Variants in HS6ST3 observed in about 807,000 individuals in gnomAD.
HS6ST3 encodes the protein heparan sulfate 6-O-sulfotransferase 3.
A neutral mutation model predicts 36.7 loss-of-function variants in HS6ST3; 12 were observed. The observed-to-expected ratio is 0.33, with a 90% CI of 0.21 to 0.53. HS6ST3 has a LOEUF of 0.53. Among genes scored for constraint, HS6ST3 ranks in the 20% least tolerant of loss-of-function variants. The pLI is 0.95. For synonymous variants in HS6ST3, 240 were observed against 257.5 expected, an observed-to-expected ratio of 0.93 and a Z score of 0.65; for missense variants, 584 against 640.9, an observed-to-expected ratio of 0.91 and a Z score of 0.96.
At chr13:96,419,902 T>C (rs911071855) in intron 1 of HS6ST3, among the ~76,000 whole-genome samples, 2 of 152,180 alleles carry the variant, frequency 1.3e-5, no homozygotes, top group African/African-American at 4.8e-5. Context: ...TTAAATTGAT[T>C]GCACCTGCAA....
rs193144915 is a variant in HS6ST3 at position 96,538,325 on chromosome 13, C to T, written c.708-294165C>T. On this transcript the variant is annotated intron_variant, in intron 1 of 1. Transcript: ENST00000376705. ...ATGATAGTCAATACCTTTCTCTTGC[C>T]TTATATATTAATTATAGAGATCTAA... Among the ~76,000 whole-genome samples, 569 of 152,182 alleles carry T rather than the reference C, an allele frequency of 3.7e-3. 2 individuals carry two copies. The highest frequency in any genetic ancestry group is 0.013 in the African/African-American group (535 of 41,512).
At chr13:96,586,092 G>T (rs1019331168) in intron 1 of HS6ST3, among the ~76,000 whole-genome samples, 1 of 151,550 alleles carries the variant, frequency 6.6e-6, no homozygotes, top group African/African-American at 2.4e-5. Flanking sequence ...AGTTTCTTTT[G>T]TCTTTTTGAT....
chr13:96,483,226 G>C (rs1257324859), intron 1 of HS6ST3, among the ~76,000 whole-genome samples: 2 of 152,194 alleles, frequency 1.3e-5, no homozygotes, highest in African/African-American at 2.4e-5. Flanking sequence ...CAGGGAAGTG[G>C]TACTAGAGAT....
chr13:96,696,110 A>G (rs560399759), intron 1 of HS6ST3, among the ~76,000 whole-genome samples: 2 of 152,282 alleles, frequency 1.3e-5, no homozygotes, highest in Non-Finnish European at 2.9e-5. Flanking sequence ...TAAGAAATGT[A>G]TTTTAAGGAA....
chr13:96,749,529 C>T (rs555728052), intron 1 of HS6ST3, among the ~76,000 whole-genome samples: 1 of 152,102 alleles, frequency 6.6e-6, no homozygotes, highest in Non-Finnish European at 1.5e-5. Context: ...TCACCTAGCC[C>T]AACTTTGGAG....
At chr13:96,503,960 C>T (rs1255360867) in intron 1 of HS6ST3, among the ~76,000 whole-genome samples, 2 of 152,100 alleles carry the variant, frequency 1.3e-5, no homozygotes, top group Admixed American at 1.3e-4. Flanking sequence ...GTTGTAGCCT[C>T]ACAAGGTGAA....
intron 1 of HS6ST3, among the ~76,000 whole-genome samples, chr13:96,144,678 A>G (rs988385402): frequency 7.3e-4 from 111 of 151,780 alleles, no homozygotes; most frequent in Non-Finnish European, 1.4e-3. Flanking sequence ...TTTAGGGTAC[A>G]TGTGCACAAC....
chr13:96,177,916 G>A (rs1380550152), intron 1 of HS6ST3, among the ~76,000 whole-genome samples: 1 of 152,086 alleles, frequency 6.6e-6, no homozygotes, highest in Non-Finnish European at 1.5e-5. Context: ...AAACAATTGT[G>A]GTTTTAAAAT....
At chr13:96,752,324 C>T (rs561325374) in intron 1 of HS6ST3, among the ~76,000 whole-genome samples, 109 of 152,082 alleles carry the variant, frequency 7.2e-4, no homozygotes, top group Non-Finnish European at 1.4e-3. Context: ...CATGCATCAC[C>T]GTGTAATGGG....
chr13:96,386,122 A>G (rs1323623870), intron 1 of HS6ST3, among the ~76,000 whole-genome samples: 1 of 152,276 alleles, frequency 6.6e-6, no homozygotes, highest in Admixed American at 6.5e-5. Flanking sequence ...TCCATAAGAG[A>G]AAACATCTTG....
At chr13:96,274,952 T>A (rs2054740861) in intron 1 of HS6ST3, among the ~76,000 whole-genome samples, 1 of 151,766 alleles carries the variant, frequency 6.6e-6, no homozygotes, top group East Asian at 1.9e-4. Flanking sequence ...GTGGGGCCTA[T>A]GATTCTGTTG....
At chr13:96,729,547 C>T (rs1387470934) in intron 1 of HS6ST3, among the ~76,000 whole-genome samples, 5 of 152,138 alleles carry the variant, frequency 3.3e-5, no homozygotes, top group Non-Finnish European at 7.3e-5. Context: ...GCCTCTGCCT[C>T]CTAGGTTCAA....
At chr13:96,146,263 G>A (rs865804708) in intron 1 of HS6ST3, among the ~76,000 whole-genome samples, 11 of 152,172 alleles carry the variant, frequency 7.2e-5, no homozygotes, top group East Asian at 5.8e-4. Flanking sequence ...CCATTTTCAC[G>A]ATATTGATTC....
At chr13:96,475,244 A>G (rs2055857767) in intron 1 of HS6ST3, among the ~76,000 whole-genome samples, 1 of 152,124 alleles carries the variant, frequency 6.6e-6, no homozygotes, top group Admixed American at 6.6e-5. Flanking sequence ...GATCAAGAAG[A>G]TGGACCATGA....
intron 1 of HS6ST3, among the ~76,000 whole-genome samples, chr13:96,315,295 C>A (rs184392625): frequency 1.8e-3 from 270 of 152,258 alleles, no homozygotes; most frequent in African/African-American, 6.3e-3. Context: ...GGACTGTAAT[C>A]ATTTCTGTGA....
chr13:96,155,757 A>G lies in HS6ST3; in HGVS notation c.707+64188A>G, dbSNP rs553091039. On this transcript the variant is annotated intron_variant, in intron 1 of 1. Transcript: ENST00000376705. The stretch of plus-strand genomic sequence containing the variant: ...TTTATCATACTATTTTTCTGTCAAA[A>G]TATATGAAATTTTGGATTGCATTTA... 7.8e-4 allele frequency among the ~76,000 whole-genome samples: 119 copies of G among 152,348 alleles called. 1 individual carries two copies. The highest frequency in any genetic ancestry group is 2.5e-3 in the African/African-American group (106 of 41,572).
At chr13:96,225,791 G>A (rs1400371250) in intron 1 of HS6ST3, among the ~76,000 whole-genome samples, 2 of 152,150 alleles carry the variant, frequency 1.3e-5, no homozygotes, top group Non-Finnish European at 2.9e-5. Context: ...ATTGATGAAA[G>A]TTAAGTATCT....
At chr13:96,722,361 T>A (rs1184985924) in intron 1 of HS6ST3, among the ~76,000 whole-genome samples, 2 of 152,236 alleles carry the variant, frequency 1.3e-5, no homozygotes, top group African/African-American at 4.8e-5. Context: ...AATTTCTTGT[T>A]ATAAAAATAG....
At chr13:96,126,978 A>G (rs1336686735) in intron 1 of HS6ST3, among the ~76,000 whole-genome samples, 1 of 152,028 alleles carries the variant, frequency 6.6e-6, no homozygotes, top group Admixed American at 6.6e-5. Context: ...GGTGATCCCT[A>G]CTTCTTCTGA....
Sources: gnomAD v4.1 joint callset for allele counts (sites outside exome capture counted in the v4.1 genomes callset) on GRCh38, gnomAD v4.1.1 for gene constraint, MANE v1.5 for transcripts, NCBI Gene and HGNC (gene_info 2026-07-23, HGNC 2026-07-21) for gene names.